ABR: variants seen among roughly 807,000 people sequenced by gnomAD.
The protein encoded by ABR is ABR activator of RhoGEF and GTPase.
ABR carries 35 observed loss-of-function variants against 107.2 expected under a neutral mutation model. The ratio of observed to expected loss-of-function variants is 0.33; its 90% CI spans 0.25 to 0.43. The LOEUF (loss-of-function observed/expected upper bound fraction) is 0.43, where lower values mean the gene tolerates loss of function less well. Among genes scored for constraint, ABR ranks in the 20% least tolerant of loss-of-function variants. The probability of loss-of-function intolerance (pLI) is 1.00; values close to 1 mark genes in which losing one functional copy is unlikely to be tolerated. For missense variants in ABR, 815 were observed against 1,115.2 expected, an observed-to-expected ratio of 0.73 and a Z score of 3.83; for synonymous variants, 498 against 462.0, an observed-to-expected ratio of 1.08 and a Z score of -1.00.
At chr17:1,108,679 C>T (rs1482102695) in intron 2 of ABR, among the ~76,000 whole-genome samples, 1 of 152,230 alleles carries the variant, frequency 6.6e-6, no homozygotes, top group Non-Finnish European at 1.5e-5. Context: ...ACAGGCGCGC[C>T]AGGTGACTCC....
At chr17:1,134,077 C>T (rs1295531321) in intron 1 of ABR, among the ~76,000 whole-genome samples, 2 of 152,090 alleles carry the variant, frequency 1.3e-5, no homozygotes, top group Non-Finnish European at 2.9e-5. Context: ...GTCAGGAGTT[C>T]GAGACCAGCC....
In ABR at chr17:1,123,166, G is replaced by A. The variant is rs567931825; in HGVS notation, c.246+2017C>T. Among the ~76,000 whole-genome samples the A allele has an allele frequency of 1.5e-4, 22 of 150,910 alleles. No individual in the cohort carries two copies. In the South Asian group the frequency reaches 4.4e-3, roughly 30 times the overall value. The stretch of plus-strand genomic sequence containing the variant: ...GGTGGGGCCGGTGACCCAGCAGAAA[G>A]GGCAGAAACGCTCCCTGAGGAGGGA... On this transcript the variant is annotated intron_variant, in intron 2 of 22. Coordinates refer to ENST00000302538, the MANE Select transcript of ABR (RefSeq NM_021962.5).
intron 1 of ABR, among the ~76,000 whole-genome samples, chr17:1,139,681 G>A (rs532160849): frequency 4.9e-4 from 75 of 152,306 alleles, no homozygotes; most frequent in African/African-American, 1.8e-3. Flanking sequence ...TGAAAGCGCA[G>A]GGAGTTAAGT....
In ABR at chr17:1,010,493, G is replaced by A; in HGVS notation, c.2236+236C>T. On this transcript the variant is annotated intron_variant, in intron 20 of 22. Transcript: ENST00000302538. This position sits in a 1 kb window ranked among gnomAD's most constrained non-coding sequence, Gnocchi z 4.1. ...GCCAACGTCCAAATAGGAAGCAGAA[G>A]GGGCTGCCCATGGGGACATCAGGGG... 3.6e-6 allele frequency: 2 copies of A among 553,216 alleles called. No homozygotes were observed. The highest frequency in any genetic ancestry group is 2.3e-5 in the South Asian group (1 of 43,668). The allele number at this position is 553,216 out of a possible 1,614,324, so 34.3% of individuals were successfully genotyped here.
intron 11 of ABR, 124 bp from the exon 12 acceptor site, chr17:1,058,169 C>T (rs1478069924): frequency 5.0e-5 from 25 of 497,804 alleles, no homozygotes; most frequent in Middle Eastern, 1.3e-3. Context: ...GACAGAGTCT[C>T]GCTCTTGTTG....
chr17:1,083,551 T>G lies in ABR; in HGVS notation c.608A>C (p.Gln203Pro). The change falls in exon 5 of 23, where the codon CAG becomes CCG. Residue 203 changes from glutamine (Q) to proline (P), a missense_variant. By Grantham distance (76) the Gln-to-Pro change is moderately conservative. This residue lies in a region of ABR where 385 missense variants were observed against 596.9 expected (regional missense o/e 0.64). Coordinates refer to ENST00000302538, the MANE Select transcript of ABR (RefSeq NM_021962.5). ...VALETAEKCS[Q>P]SNNQFQKISE... Reference sequence around the variant, plus strand: ...GATCTTCTGGAACTGGTTGTTGGACTGGCTGCACTTCTCAGCTGTCTCCAG... The same window carrying G: ...GATCTTCTGGAACTGGTTGTTGGACGGGCTGCACTTCTCAGCTGTCTCCAG... The G allele has an allele frequency of 6.2e-7, 1 of 1,611,522 alleles. No homozygotes were observed. Among genetic ancestry groups the G allele is most frequent in the Non-Finnish European group, 8.5e-7 (1 of 1,178,216 alleles).
At position 1,171,554 on chromosome 17, in the gene ABR, G is replaced by A. The variant is rs2041711088; in HGVS notation, c.61+8113C>T. 2.6e-5 allele frequency among the ~76,000 whole-genome samples: 4 copies of A among 152,186 alleles called. No individual in the cohort carries two copies. The South Asian group carries it at 8.3e-4, about 32-fold the overall frequency. On this transcript the variant is annotated intron_variant, in intron 1 of 22. Coordinates refer to ENST00000302538, the MANE Select transcript of ABR (RefSeq NM_021962.5). ...CTTCCTGGAGACCCTGCTAGCCTTA[G>A]GCAAGATGCCCAATCACGTGTGCCA...
intron 16 of ABR, among the ~76,000 whole-genome samples, chr17:1,026,009 C>T (rs369232141): frequency 3.3e-5 from 5 of 152,348 alleles, no homozygotes; most frequent in Admixed American, 1.3e-4. Context: ...CCCCTGCTCC[C>T]GTGTCCACTG....
At chr17:1,181,491 CTG>C, upstream of ABR, among the ~76,000 whole-genome samples, 1 of 152,300 alleles carries the variant, frequency 6.6e-6, no homozygotes, top group South Asian at 2.1e-4. Flanking sequence ...GGCACCAGCG[CTG>C]TCTCTTGCCG....
chr17:1,221,935 G>A (rs776883605), intron 1 of ABR, among the ~76,000 whole-genome samples: 3 of 152,126 alleles, frequency 2.0e-5, no homozygotes, highest in Non-Finnish European at 4.4e-5. Flanking sequence ...AAATAAGCTT[G>A]GGAAACTTTA....
Position 1,078,966 on chromosome 17 carries a change from C to CT in ABR, c.700+363dup. 6.6e-7 allele frequency: 1 copy of CT among 1,510,314 alleles called. No homozygotes were observed. The highest frequency in any genetic ancestry group is 8.8e-7 in the Non-Finnish European group (1 of 1,131,710). The allele number at this position is 1,510,314 out of a possible 1,614,324, so 93.6% of individuals were successfully genotyped here. ...CACCTTGCTGATGCTGCCGCACGGA[C>CT]TCCAGCATCGGGCAGCCGCTCCGGA... is the stretch of plus-strand genomic sequence containing the variant. On this transcript the variant is annotated intron_variant, in intron 6 of 22. Transcript: ENST00000302538. The surrounding 1 kb of genome is among the most constrained non-coding windows in gnomAD (Gnocchi z 7.5).
chr17:1,085,558 G>A (rs1321158404), intron 4 of ABR, among the ~76,000 whole-genome samples: 1 of 152,140 alleles, frequency 6.6e-6, no homozygotes, highest in Non-Finnish European at 1.5e-5. Context: ...ACAGCCCATC[G>A]ATTGCTTAGC....
In ABR at chr17:1,070,235, A is replaced by G. The variant is rs1228906323; in HGVS notation, c.895-145T>C. ...TCCCTTAACCAAAGGTGGTTCAAGC[A>G]CTGCCTTTGGAGTCACATGGGCATG... On this transcript the variant is annotated intron_variant, in intron 8 of 22. Transcript: ENST00000302538. The surrounding 1 kb of genome is among the most constrained non-coding windows in gnomAD (Gnocchi z 4.2). 9.0e-7 allele frequency: 1 copy of G among 1,114,436 alleles called. No homozygotes were observed. The highest frequency in any genetic ancestry group is 1.6e-5 in the African/African-American group (1 of 64,298). The allele number at this position is 1,114,436 out of a possible 1,614,324, so 69.0% of individuals were successfully genotyped here.
At chr17:1,189,904 A>G (rs951041156), upstream of ABR, among the ~76,000 whole-genome samples, 2 of 135,428 alleles carry the variant, frequency 1.5e-5, no homozygotes, top group African/African-American at 7.7e-5. Context: ...TGAATGAGCA[A>G]GTGTGAATGA....
intron 1 of ABR, among the ~76,000 whole-genome samples, chr17:1,176,333 G>A (rs2041918122): frequency 6.6e-6 from 1 of 152,196 alleles, no homozygotes; most frequent in South Asian, 2.1e-4. Context: ...CATAGAGAAT[G>A]GCGTCCCCCA....
In ABR at chr17:1,058,002, CACT is replaced by C; in HGVS notation, c.1346_1348del (p.Glu449_Trp450delinsGly). 1 of 1,613,982 alleles carries C rather than the reference CACT, an allele frequency of 6.2e-7. No individual in the cohort carries two copies. The highest frequency in any genetic ancestry group is 8.5e-7 in the Non-Finnish European group (1 of 1,179,944). ...CTGTAGTTTCTGAATTGCTTCTCTCCACTCTGACCTCTCGTAGTCCGAGGACAG... is the reference window on the plus strand; with the variant it reads ...CTGTAGTTTCTGAATTGCTTCTCTCCCTGACCTCTCGTAGTCCGAGGACAG... On this transcript the variant is annotated inframe_deletion, in exon 12 of 23. Coordinates refer to ENST00000302538, the MANE Select transcript of ABR (RefSeq NM_021962.5).
intron 18 of ABR, 125 bp from the exon 19 acceptor site, chr17:1,012,110 G>C: frequency 6.7e-7 from 1 of 1,485,366 alleles, no homozygotes; most frequent in South Asian, 1.2e-5. Flanking sequence ...TGGGGCGGGG[G>C]CAGGGGCAGG....
At chr17:1,016,340 G>A (rs1457923682) in intron 16 of ABR, among the ~76,000 whole-genome samples, 2 of 143,400 alleles carry the variant, frequency 1.4e-5, no homozygotes, top group Non-Finnish European at 3.0e-5. Context: ...TTTTTGAGAC[G>A]GAGTCTCGCT....
chr17:1,155,148 A>T (rs529910056), intron 1 of ABR, among the ~76,000 whole-genome samples: 31 of 152,236 alleles, frequency 2.0e-4, no homozygotes, highest in Admixed American at 1.8e-3. Flanking sequence ...GGGAGCCTCC[A>T]GGATGACTGG....
Sources: allele counts gnomAD v4.1 joint callset (sites outside exome capture counted in the v4.1 genomes callset), GRCh38; gene constraint gnomAD v4.1.1; regional missense constraint gnomAD v4.1.1; non-coding constraint Gnocchi (gnomAD v3.1); transcripts MANE v1.5; gene names NCBI Gene and HGNC (gene_info 2026-07-23, HGNC 2026-07-21).